The following CNTLN variants were observed in gnomAD, a reference collection of about 807,000 sequenced individuals.
CNTLN encodes the protein centlein, centrosomal protein.
Under a neutral mutation model 180.0 loss-of-function variants are expected in CNTLN, and 212 were observed. That is an observed-to-expected ratio of 1.18 (90% confidence interval 1.05 to 1.32). The LOEUF (loss-of-function observed/expected upper bound fraction) is 1.32. Among genes scored for constraint, CNTLN ranks in the 40% most tolerant of loss-of-function variants. The pLI is 0.00. For missense variants in CNTLN, 2,095 were observed against 1,610.9 expected, an observed-to-expected ratio of 1.30 and a Z score of -5.14; for synonymous variants, 722 against 563.1, an observed-to-expected ratio of 1.28 and a Z score of -3.99.
chr9:17,325,810 T>A (rs1445706242), intron 8 of CNTLN, among the ~76,000 whole-genome samples: 1 of 152,016 alleles, frequency 6.6e-6, no homozygotes, highest in Non-Finnish European at 1.5e-5. Context: ...CTAATTATTA[T>A]CATCATTGCA....
chr9:17,315,837 T>A (rs1442507647), intron 8 of CNTLN, among the ~76,000 whole-genome samples: 1 of 152,084 alleles, frequency 6.6e-6, no homozygotes, highest in African/African-American at 2.4e-5. Flanking sequence ...AGGTCAAGTT[T>A]CTTGATATTG....
intron 13 of CNTLN, among the ~76,000 whole-genome samples, chr9:17,381,068 G>A (rs374025503): frequency 6.6e-6 from 1 of 152,192 alleles, no homozygotes; most frequent in Non-Finnish European, 1.5e-5. Context: ...GTCAGTGTTA[G>A]TTTCTATGGA....
chr9:17,408,743 A>G (rs1418424106), intron 15 of CNTLN, among the ~76,000 whole-genome samples: 1 of 151,176 alleles, frequency 6.6e-6, no homozygotes, highest in Non-Finnish European at 1.5e-5. Context: ...GGAGGTTGCC[A>G]TGAGCCAAGA....
chr9:17,464,645 G>A, intron 21 of CNTLN, 22 bp downstream of exon 21: 1 of 1,353,410 alleles, frequency 7.4e-7, no homozygotes. Context: ...TATCTTTACT[G>A]ACACTAAAAA....
intron 8 of CNTLN, among the ~76,000 whole-genome samples, chr9:17,309,859 C>T (rs1819003888): frequency 6.6e-6 from 1 of 152,054 alleles, no homozygotes; most frequent in South Asian, 2.1e-4. Flanking sequence ...AAAAAAATCT[C>T]TGTGAATTTA....
intron 2 of CNTLN, among the ~76,000 whole-genome samples, chr9:17,147,228 T>G (rs920864626): frequency 2.6e-5 from 4 of 152,192 alleles, no homozygotes; most frequent in African/African-American, 9.6e-5. Flanking sequence ...GTTAGGTCCT[T>G]TAAGTCAGGC....
chr9:17,244,137 G>A (rs1825661678), intron 5 of CNTLN, among the ~76,000 whole-genome samples: 1 of 150,670 alleles, frequency 6.6e-6, no homozygotes, highest in East Asian at 1.9e-4. Flanking sequence ...GCTCCTTTTT[G>A]GTTTTCATTT....
At chr9:17,442,290 T>A (rs1252253323) in intron 18 of CNTLN, among the ~76,000 whole-genome samples, 1 of 152,112 alleles carries the variant, frequency 6.6e-6, no homozygotes, top group East Asian at 1.9e-4. Flanking sequence ...ACCTTAAATT[T>A]AAGAAGGTTG....
chr9:17,485,703 GC>G (rs775383437), intron 24 of CNTLN, among the ~76,000 whole-genome samples: 6 of 152,078 alleles, frequency 3.9e-5, no homozygotes, highest in Non-Finnish European at 8.8e-5. Flanking sequence ...ATGTGAGTAT[GC>G]CTGTGTGCAT....
chr9:17,396,053 C>T (rs928493126), intron 15 of CNTLN, among the ~76,000 whole-genome samples: 1 of 152,212 alleles, frequency 6.6e-6, no homozygotes, highest in South Asian at 2.1e-4. Flanking sequence ...GTCTTCACGG[C>T]TACACTCGCA....
At position 17,309,142 on chromosome 9, in the gene CNTLN, C is replaced by T; in HGVS notation, c.1231C>T (p.Gln411Ter). Reference protein sequence around the residue: ...LRQSVTNLQDQLLQKEQENAK... With the variant: ...LRQSVTNLQD ...GCAAAGTGTTACTAATCTTCAGGATCAGCTATTACAAAAAGAGCAAGAAAA... is the reference window on the plus strand; with the variant it reads ...GCAAAGTGTTACTAATCTTCAGGATTAGCTATTACAAAAAGAGCAAGAAAA... Residue 411 changes from glutamine (Q) to a stop codon, truncating the protein, a stop_gained, in exon 8 of 26, where the codon CAG becomes TAG. Coordinates refer to ENST00000380647, the MANE Select transcript of CNTLN (RefSeq NM_017738.4). LOFTEE classifies it high-confidence loss of function. 2 of 1,610,580 alleles carry T rather than the reference C, an allele frequency of 1.2e-6. No homozygotes were observed. Among genetic ancestry groups the T allele is most frequent in the Non-Finnish European group, 1.7e-6 (2 of 1,178,058 alleles).
intron 15 of CNTLN, among the ~76,000 whole-genome samples, chr9:17,404,144 T>C (rs886313740): frequency 1.3e-5 from 2 of 151,876 alleles, no homozygotes; most frequent in Non-Finnish European, 1.5e-5. Flanking sequence ...GGTATTACTA[T>C]ATTTTTCATT....
At position 17,338,202 on chromosome 9, in the gene CNTLN, C is replaced by G. The variant is rs1358995987; in HGVS notation, c.1645-2625C>G. Among the ~76,000 whole-genome samples, 2 of 150,414 alleles carry G rather than the reference C, an allele frequency of 1.3e-5. 1 individual carries two copies. The highest frequency in any genetic ancestry group is 3.0e-5 in the Non-Finnish European group (2 of 67,658). ...TTTGACAGAGTGTCTCTCTGTCGCC[C>G]AAGCTGTAGTACAGTGCAGTGGCGC... is the stretch of plus-strand genomic sequence containing the variant. On this transcript the variant is annotated intron_variant, in intron 10 of 25. Coordinates refer to ENST00000380647, the MANE Select transcript of CNTLN (RefSeq NM_017738.4).
At chr9:17,355,827 G>T (rs889190153) in intron 12 of CNTLN, among the ~76,000 whole-genome samples, 2 of 152,174 alleles carry the variant, frequency 1.3e-5, no homozygotes, top group African/African-American at 4.8e-5. Flanking sequence ...CACTTTGGGA[G>T]GCTGAGGCGG....
chr9:17,198,300 A>G (rs973670523), intron 2 of CNTLN, among the ~76,000 whole-genome samples: 4 of 151,010 alleles, frequency 2.6e-5, no homozygotes, highest in African/African-American at 7.3e-5. Flanking sequence ...TAGGGATTGC[A>G]TTGAATCTGT....
At chr9:17,267,324 C>T (rs1054695651) in intron 5 of CNTLN, among the ~76,000 whole-genome samples, 5 of 152,062 alleles carry the variant, frequency 3.3e-5, no homozygotes, top group African/African-American at 1.2e-4. Context: ...ATATGAAATT[C>T]TGGGTTGAAA....
chr9:17,244,993 C>G (rs1243946792), intron 5 of CNTLN, among the ~76,000 whole-genome samples: 1 of 152,054 alleles, frequency 6.6e-6, no homozygotes, highest in Non-Finnish European at 1.5e-5. Flanking sequence ...ATATCTTATT[C>G]TACTGTATTA....
chr9:17,484,601 A>T (rs1287355120), intron 24 of CNTLN, 121 bp downstream of exon 24: 1 of 779,610 alleles, frequency 1.3e-6, no homozygotes, highest in African/African-American at 1.8e-5. Context: ...TGATGGTAAG[A>T]TGGTTAAAGT....
At chr9:17,152,000 G>A (rs996256003) in intron 2 of CNTLN, among the ~76,000 whole-genome samples, 4 of 152,100 alleles carry the variant, frequency 2.6e-5, no homozygotes, top group African/African-American at 9.7e-5. Context: ...TGGGATCAGT[G>A]GTGATATCCC....
Sources: allele counts gnomAD v4.1 joint callset (sites outside exome capture counted in the v4.1 genomes callset), GRCh38; gene constraint gnomAD v4.1.1; transcripts MANE v1.5; gene names NCBI Gene and HGNC (gene_info 2026-07-23, HGNC 2026-07-21).